The following OSBPL1A variants were observed in gnomAD, a reference collection of about 807,000 sequenced individuals.
OSBPL1A encodes oxysterol-binding protein-related protein 1.
Under a neutral mutation model 137.1 loss-of-function variants are expected in OSBPL1A, and 80 were observed. The observed-to-expected ratio is 0.58, with a 90% confidence interval of 0.49 to 0.70. The LOEUF is 0.70. Among genes scored for constraint, OSBPL1A ranks in the 30% least tolerant of loss-of-function variants. OSBPL1A has a pLI of 0.00. For synonymous variants in OSBPL1A, 365 were observed against 389.7 expected (o/e 0.94, Z 0.75); for missense variants, 970 against 1,129.4 (o/e 0.86, Z 2.02).
At chr18:24,381,716 G>C (rs1346793695) in intron 1 of OSBPL1A, among the ~76,000 whole-genome samples, 1 of 152,138 alleles carries the variant, frequency 6.6e-6, no homozygotes, top group Non-Finnish European at 1.5e-5. Flanking sequence ...CCAGCACTTT[G>C]GGAGGCCGAG....
chr18:24,170,487 C>T (rs2086249432), intron 23 of OSBPL1A, 34 bp from the exon 24 acceptor site: 1 of 1,612,878 alleles, frequency 6.2e-7, no homozygotes, highest in Non-Finnish European at 8.5e-7. Flanking sequence ...GTTAACAAAC[C>T]AGTGTTTGTT....
intron 21 of OSBPL1A, among the ~76,000 whole-genome samples, chr18:24,175,111 T>TATATATATATAG (rs2086399954): frequency 7.2e-5 from 1 of 13,972 alleles, no homozygotes; most frequent in Non-Finnish European, 4.8e-4. Context: ...TGTGTATGTA[T>TATATATATATAG]ATATATATAT....
intron 17 of OSBPL1A, among the ~76,000 whole-genome samples, chr18:24,210,165 G>A (rs754131529): frequency 1.3e-5 from 2 of 152,122 alleles, no homozygotes; most frequent in African/African-American, 4.8e-5. Context: ...AGTGGCTCAC[G>A]CCTGTAATCC....
At position 24,366,903 on chromosome 18, in the gene OSBPL1A, T is replaced by C. The variant is rs2091709916; in HGVS notation, c.271A>G (p.Thr91Ala). 1 of 1,612,140 alleles carries C rather than the reference T, an allele frequency of 6.2e-7. No homozygotes were observed. The highest frequency in any genetic ancestry group is 2.2e-5 in the East Asian group (1 of 44,762). ...GDTPLHRAAFTGRKELVMLLL... is the reference protein window; with the variant it reads ...GDTPLHRAAFAGRKELVMLLL... ...AGAATGATTTTCACCTTTCGTCCTG[T>C]AAAGGCAGCTCGATGAAGCGGCGTG... Residue 91 changes from threonine to alanine, a missense_variant, in exon 4 of 28, where the codon ACA becomes GCA. By Grantham distance (58) the Thr-to-Ala change is moderately conservative. Transcript: ENST00000319481.
In OSBPL1A at chr18:24,391,665, G is replaced by A. The variant is rs531224082; in HGVS notation, c.-3+5990C>T. Among the ~76,000 whole-genome samples the A allele has an allele frequency of 2.7e-4, 41 of 152,120 alleles. No homozygotes were observed. The South Asian group carries it at 7.9e-3, about 29-fold the overall frequency. On this transcript the variant is annotated intron_variant, in intron 1 of 27. Transcript: ENST00000319481. ...GACTACTTGAGCCCGGGAGTTCAAG[G>A]CTGCAGTGAGCTAAGACCATGCCAC...
At chr18:24,301,802 T>G (rs2090405553) in intron 14 of OSBPL1A, among the ~76,000 whole-genome samples, 1 of 152,236 alleles carries the variant, frequency 6.6e-6, no homozygotes, top group Non-Finnish European at 1.5e-5. Context: ...AGTAAAGAGA[T>G]GCCATAGGTA....
intron 13 of OSBPL1A, among the ~76,000 whole-genome samples, chr18:24,305,085 T>C (rs1404496307): frequency 6.6e-6 from 1 of 152,244 alleles, no homozygotes; most frequent in Non-Finnish European, 1.5e-5. Context: ...ATTCTTGCTC[T>C]ATACATATTT....
At chr18:24,397,377 G>A (rs1422367758) in intron 1 of OSBPL1A, among the ~76,000 whole-genome samples, 2 of 152,204 alleles carry the variant, frequency 1.3e-5, no homozygotes, top group African/African-American at 2.4e-5. Context: ...CAGCATGGTC[G>A]TGGCACCCGA....
At chr18:24,315,558 T>A (rs1349245983) in intron 11 of OSBPL1A, among the ~76,000 whole-genome samples, 1 of 139,082 alleles carries the variant, frequency 7.2e-6, no homozygotes, top group Non-Finnish European at 1.5e-5. Context: ...ATAATATTAA[T>A]AATATTATGA....
intron 18 of OSBPL1A, among the ~76,000 whole-genome samples, 168 bp from the exon 19 acceptor site, chr18:24,181,447 C>T (rs988997135): frequency 2.0e-5 from 3 of 152,140 alleles, no homozygotes; most frequent in African/African-American, 7.2e-5. Flanking sequence ...GCACCTAATA[C>T]CATGGAGTAT....
intron 17 of OSBPL1A, among the ~76,000 whole-genome samples, chr18:24,212,640 T>G (rs923774379): frequency 6.6e-6 from 1 of 152,132 alleles, no homozygotes; most frequent in African/African-American, 2.4e-5. Flanking sequence ...ACAATGAAAA[T>G]GATGCCCTCA....
chr18:24,170,895 C>G (rs2086263866), intron 23 of OSBPL1A, among the ~76,000 whole-genome samples: 1 of 152,104 alleles, frequency 6.6e-6, no homozygotes, highest in South Asian at 2.1e-4. Flanking sequence ...CAATCCTCCC[C>G]ACTCAGCCTC....
At chr18:24,308,115 TA>T (rs1161855607) in intron 13 of OSBPL1A, among the ~76,000 whole-genome samples, 1 of 143,964 alleles carries the variant, frequency 6.9e-6, no homozygotes. Flanking sequence ...ATCTGCTCAT[TA>T]CTTTTTTTTT....
intron 17 of OSBPL1A, among the ~76,000 whole-genome samples, chr18:24,213,824 T>C (rs548974250): frequency 3.3e-4 from 50 of 152,340 alleles, no homozygotes; most frequent in African/African-American, 1.2e-3. Flanking sequence ...ATTTTCACAA[T>C]GGATTTCTAA....
At chr18:24,257,241 A>G (rs1232624892) in intron 15 of OSBPL1A, among the ~76,000 whole-genome samples, 1 of 152,212 alleles carries the variant, frequency 6.6e-6, no homozygotes, top group East Asian at 1.9e-4. Context: ...GTACAGAGCT[A>G]CAGTAACCAA....
chr18:24,365,401 A>G (rs377056266), intron 4 of OSBPL1A, among the ~76,000 whole-genome samples: 3 of 152,122 alleles, frequency 2.0e-5, no homozygotes, highest in African/African-American at 4.8e-5. Flanking sequence ...CCTGGCCAAC[A>G]TGGTGAAACC....
intron 24 of OSBPL1A, among the ~76,000 whole-genome samples, chr18:24,169,136 G>A (rs1240423413): frequency 1.3e-5 from 2 of 152,166 alleles, no homozygotes; most frequent in Non-Finnish European, 2.9e-5. Flanking sequence ...GAGGGAAGCA[G>A]AACTGTGCAC....
intron 15 of OSBPL1A, among the ~76,000 whole-genome samples, chr18:24,265,702 C>T (rs1280203369): frequency 2.0e-5 from 3 of 152,188 alleles, no homozygotes; most frequent in South Asian, 2.1e-4. Flanking sequence ...CAGAGCATAG[C>T]ATGTAGCATG....
In OSBPL1A at chr18:24,167,596, T is replaced by C; in HGVS notation, c.2419-151A>G. 3 of 662,526 alleles carry C rather than the reference T, an allele frequency of 4.5e-6. No individual in the cohort carries two copies. In the East Asian group the frequency reaches 8.1e-5, roughly 18 times the overall value. The allele number at this position is 662,526 out of a possible 1,614,324, so 41.0% of individuals were successfully genotyped here. ...GGAGCATGTATAGAAATCTGCTATA[T>C]GGCATTTGATATTGGCACTGTGGAT... On this transcript the variant is annotated intron_variant, in intron 24 of 27. Transcript: ENST00000319481.
Sources: gnomAD v4.1 joint callset for allele counts (sites outside exome capture counted in the v4.1 genomes callset) on GRCh38, gnomAD v4.1.1 for gene constraint, MANE v1.5 for transcripts, NCBI Gene and HGNC (gene_info 2026-07-23, HGNC 2026-07-21) for gene names.